ROBO2: variants seen among roughly 807,000 people sequenced by gnomAD.
ROBO2 encodes the protein roundabout homolog 2.
ROBO2 carries 53 observed loss-of-function variants against 160.8 expected under a neutral mutation model. The ratio of observed to expected loss-of-function variants is 0.33; its 90% confidence interval spans 0.26 to 0.41. The LOEUF is 0.41. Among genes scored for constraint, ROBO2 ranks in the 10% least tolerant of loss-of-function variants. The probability of loss-of-function intolerance (pLI) is 1.00; values close to 1 mark genes in which losing one functional copy is unlikely to be tolerated. For synonymous variants in ROBO2, 664 were observed against 611.7 expected (o/e 1.09, Z -1.26); for missense variants, 1,577 against 1,722.4 (o/e 0.92, Z 1.49).
chr3:77,164,514 C>A (rs1300546436), intron 2 of ROBO2, among the ~76,000 whole-genome samples: 11 of 136,488 alleles, frequency 8.1e-5, no homozygotes, highest in South Asian at 7.4e-4. Flanking sequence ...CCCGGCCAGC[C>A]GTGCTGTCCG....
At chr3:77,509,533 A>G (rs1210718622) in intron 5 of ROBO2, among the ~76,000 whole-genome samples, 2 of 152,032 alleles carry the variant, frequency 1.3e-5, no homozygotes, top group Non-Finnish European at 2.9e-5. Flanking sequence ...ATTGGGAGGG[A>G]TTGGACATAG....
At chr3:76,120,052 G>A (rs929485640) in intron 2 of ROBO2, among the ~76,000 whole-genome samples, 6 of 151,302 alleles carry the variant, frequency 4.0e-5, no homozygotes, top group South Asian at 2.1e-4. Context: ...CCTGGAGTGC[G>A]GTGGTATGAT....
chr3:76,459,307 A>C (rs1478401214), intron 2 of ROBO2, among the ~76,000 whole-genome samples: 2 of 152,200 alleles, frequency 1.3e-5, no homozygotes, highest in African/African-American at 2.4e-5. Context: ...AGAGAGAAAG[A>C]TCTAGATGCA....
chr3:76,958,333 A>G (rs1244815989), intron 2 of ROBO2, among the ~76,000 whole-genome samples: 2 of 152,220 alleles, frequency 1.3e-5, no homozygotes, highest in African/African-American at 4.8e-5. Flanking sequence ...GGAAAAAATG[A>G]AATAAAAACA....
intron 2 of ROBO2, among the ~76,000 whole-genome samples, chr3:76,592,071 T>C (rs763838045): frequency 1.3e-5 from 2 of 151,992 alleles, no homozygotes; most frequent in African/African-American, 2.4e-5. Context: ...TTAGGAAATA[T>C]TTTCAAACTA....
intron 2 of ROBO2, among the ~76,000 whole-genome samples, chr3:76,984,927 A>G (rs1305255062): frequency 6.6e-6 from 1 of 152,182 alleles, no homozygotes; most frequent in Non-Finnish European, 1.5e-5. Context: ...TTTTACAGCA[A>G]TAAAACCTGA....
At chr3:76,700,444 G>T (rs2597258) in intron 2 of ROBO2, among the ~76,000 whole-genome samples, 54,410 of 151,836 alleles carry the variant, frequency 0.36, 10,163 homozygotes, top group East Asian at 0.56. Flanking sequence ...TTTCCAGAGA[G>T]ACACCAGTAT....
intron 2 of ROBO2, among the ~76,000 whole-genome samples, chr3:76,500,004 C>T (rs574733408): frequency 1.3e-5 from 2 of 152,006 alleles, no homozygotes; most frequent in Non-Finnish European, 2.9e-5. Context: ...AGGTTTAAAA[C>T]TCAGAATTTG....
chr3:76,046,446 G>A (rs918058571), intron 2 of ROBO2, among the ~76,000 whole-genome samples: 3 of 151,916 alleles, frequency 2.0e-5, no homozygotes, highest in African/African-American at 7.3e-5. Context: ...TCAGGAGATC[G>A]AGACCATCCC....
At chr3:77,195,578 A>T (rs13064133) in intron 2 of ROBO2, among the ~76,000 whole-genome samples, 29,814 of 152,206 alleles carry the variant, frequency 0.2, 3,363 homozygotes, top group Middle Eastern at 0.31. Context: ...CTGGAAGTAT[A>T]GTTCACAGCA....
rs986632841 is a variant in ROBO2 at position 76,766,526 on chromosome 3, A to G, written c.110-331488A>G. ...AAGCAATTATTCAGATGGGAACATC[A>G]TATAAAATATGTGAGCAAGATAAAG... On this transcript the variant is annotated intron_variant, in intron 2 of 26. Coordinates refer to the ROBO2 transcript ENST00000487694. Among the ~76,000 whole-genome samples the G allele has an allele frequency of 2.0e-5, 3 of 151,724 alleles. No homozygotes were observed. The East Asian group carries it at 5.9e-4, about 30-fold the overall frequency.
intron 2 of ROBO2, among the ~76,000 whole-genome samples, chr3:76,736,100 GGTGAAACCCC>G (rs2093706920): frequency 6.6e-6 from 1 of 151,312 alleles, no homozygotes; most frequent in Non-Finnish European, 1.5e-5. Context: ...TGGCTAACAC[GGTGAAACCCC>G]GTCTCTACTA....
Position 77,094,101 on chromosome 3 carries a change from C to G in ROBO2, c.62-3913C>G, listed in dbSNP as rs552719649. Reference sequence around the variant, plus strand: ...TAATTTTAGAATATTTTCATCATCCCTAAAGAAATCCCATCCCCATTGGCA... The same window carrying G: ...TAATTTTAGAATATTTTCATCATCCGTAAAGAAATCCCATCCCCATTGGCA... On this transcript the variant is annotated intron_variant, in intron 1 of 25. Transcript: ENST00000461745. Among the ~76,000 whole-genome samples, 170 of 152,192 alleles carry G rather than the reference C, an allele frequency of 1.1e-3. 1 individual carries two copies. The highest frequency in any genetic ancestry group is 3.8e-3 in the African/African-American group (158 of 41,534).
chr3:77,132,157 A>C (rs2075906410), intron 2 of ROBO2, among the ~76,000 whole-genome samples: 1 of 152,068 alleles, frequency 6.6e-6, no homozygotes, highest in Non-Finnish European at 1.5e-5. Flanking sequence ...CAAAATGCAT[A>C]TGATTTATTA....
intron 2 of ROBO2, among the ~76,000 whole-genome samples, chr3:76,753,035 C>T (rs750251934): frequency 3.3e-5 from 5 of 151,790 alleles, no homozygotes; most frequent in Non-Finnish European, 7.4e-5. Context: ...TTAAGTAAGA[C>T]ATTTCTGGTA....
intron 2 of ROBO2, among the ~76,000 whole-genome samples, chr3:77,399,385 T>C (rs2075592841): frequency 6.6e-6 from 1 of 152,174 alleles, no homozygotes; most frequent in East Asian, 1.9e-4. Context: ...AGGAATCTTT[T>C]TTTCTTTTTA....
At chr3:76,680,872 G>A (rs2092543320) in intron 2 of ROBO2, among the ~76,000 whole-genome samples, 1 of 152,080 alleles carries the variant, frequency 6.6e-6, no homozygotes, top group African/African-American at 2.4e-5. Flanking sequence ...GCTTCCCCGG[G>A]TTCAAGTGAT....
At chr3:77,363,033 TCAAA>T (rs1361362668) in intron 2 of ROBO2, among the ~76,000 whole-genome samples, 1 of 151,818 alleles carries the variant, frequency 6.6e-6, no homozygotes, top group African/African-American at 2.4e-5. Context: ...TCAAACCATA[TCAAA>T]CAGGTAGAGG....
intron 1 of ROBO2, among the ~76,000 whole-genome samples, chr3:75,932,898 T>C (rs1026103090): frequency 6.6e-6 from 1 of 152,136 alleles, no homozygotes; most frequent in Non-Finnish European, 1.5e-5. Context: ...TTTATCTTAT[T>C]AAAAAATAAA....
Sources: allele counts gnomAD v4.1 joint callset (sites outside exome capture counted in the v4.1 genomes callset), GRCh38; gene constraint gnomAD v4.1.1; transcripts MANE v1.5; gene names NCBI Gene and HGNC (gene_info 2026-07-23, HGNC 2026-07-21).